The following LRRC37A2 variants were observed in gnomAD, a reference collection of about 807,000 sequenced individuals.
The protein encoded by LRRC37A2 is leucine rich repeat containing 37 member A2.
In LRRC37A2, 9 loss-of-function variants were observed where a neutral mutation model predicts 68.8. That is an observed-to-expected ratio of 0.13 (90% CI 0.08 to 0.23). The LOEUF is 0.23. LRRC37A2 is among the 10% of genes least tolerant of loss of function. The pLI is 1.00. For missense variants in LRRC37A2, 168 were observed against 950.4 expected, an observed-to-expected ratio of 0.18 and a Z score of 10.82; for synonymous variants, 63 against 367.6, an observed-to-expected ratio of 0.17 and a Z score of 9.48.
chr17:46,720,794 C>T, the LRRC37A2 span, among the ~76,000 whole-genome samples: 2 of 152,134 alleles, frequency 1.3e-5, no homozygotes, highest in African/African-American at 2.4e-5. Context: ...TTTCAGCTCC[C>T]AGAAGAACCA....
At chr17:46,932,112 G>A in the LRRC37A2 span, 16 of 1,613,584 alleles carry the variant, frequency 9.9e-6, no homozygotes, top group East Asian at 6.7e-5. Context: ...TGCAGACTGC[G>A]CTCAGAAACT....
chr17:46,691,313 G>A, the LRRC37A2 span, among the ~76,000 whole-genome samples: 1 of 80,722 alleles, frequency 1.2e-5, no homozygotes. Flanking sequence ...ACAAAGATTA[G>A]GCTGGGCATG....
the LRRC37A2 span, chr17:46,938,977 A>C: frequency 4.9e-6 from 7 of 1,418,310 alleles, no homozygotes; most frequent in Non-Finnish European, 6.5e-6. Context: ...GGTGCTTAGG[A>C]AATGAAAGAA....
chr17:46,553,745 G>C, intron 12 of LRRC37A2: 1 of 395,530 alleles, frequency 2.5e-6, no homozygotes, highest in Non-Finnish European at 3.3e-6. Flanking sequence ...GCTTAGCCTG[G>C]CTCCAGTGAA....
At chr17:46,786,161 TC>T in the LRRC37A2 span, among the ~76,000 whole-genome samples, 851 of 144,898 alleles carry the variant, frequency 5.9e-3, 7 homozygotes, top group Middle Eastern at 0.024. Flanking sequence ...CAAATTGTGG[TC>T]CGGGGCATGG....
the LRRC37A2 span, among the ~76,000 whole-genome samples, chr17:46,912,665 C>T: frequency 6.6e-6 from 1 of 152,186 alleles, no homozygotes; most frequent in Non-Finnish European, 1.5e-5. Context: ...CAGCTCATTG[C>T]AGCCTCTGAA....
At chr17:46,800,027 G>A in the LRRC37A2 span, among the ~76,000 whole-genome samples, 1 of 149,764 alleles carries the variant, frequency 6.7e-6, no homozygotes, top group Non-Finnish European at 1.5e-5. Flanking sequence ...TGCTGTCCCA[G>A]AGAGTGGGGA....
At chr17:46,823,121 T>TG in the LRRC37A2 span, among the ~76,000 whole-genome samples, 1 of 131,440 alleles carries the variant, frequency 7.6e-6, no homozygotes, top group Non-Finnish European at 1.6e-5. Flanking sequence ...ATATTATATA[T>TG]TATATATTAT....
At chr17:46,892,092 T>C in the LRRC37A2 span, among the ~76,000 whole-genome samples, 1 of 151,884 alleles carries the variant, frequency 6.6e-6, no homozygotes, top group African/African-American at 2.4e-5. Flanking sequence ...CTAATTTTTG[T>C]ATTTTTAGTA....
chr17:46,918,764 C>T, the LRRC37A2 span, among the ~76,000 whole-genome samples: 2 of 152,194 alleles, frequency 1.3e-5, no homozygotes, highest in Non-Finnish European at 2.9e-5. Context: ...CTTAGACTGA[C>T]TTGGCCACAA....
the LRRC37A2 span, among the ~76,000 whole-genome samples, chr17:47,009,823 T>C: frequency 6.6e-6 from 1 of 152,256 alleles, no homozygotes; most frequent in African/African-American, 2.4e-5. Flanking sequence ...TTCTGCCAGA[T>C]GCTGCCGCGC....
At chr17:46,826,965 T>G in the LRRC37A2 span, among the ~76,000 whole-genome samples, 1 of 152,128 alleles carries the variant, frequency 6.6e-6, no homozygotes, top group African/African-American at 2.4e-5. Context: ...TTAATAGAGA[T>G]AGAATTTCAC....
the LRRC37A2 span, chr17:46,872,408 G>C: frequency 7.3e-7 from 1 of 1,365,654 alleles, no homozygotes; most frequent in Admixed American, 2.8e-5. Flanking sequence ...GGGTCAGCCT[G>C]CTGCCCAGAA....
the LRRC37A2 span, among the ~76,000 whole-genome samples, chr17:46,782,548 G>A: frequency 6.6e-5 from 10 of 152,262 alleles, no homozygotes; most frequent in East Asian, 9.6e-4. Context: ...GGAACCAAGC[G>A]TTGGCTTTGG....
At chr17:46,929,882 A>C in the LRRC37A2 span, 1 of 307,402 alleles carries the variant, frequency 3.3e-6, no homozygotes, top group South Asian at 4.8e-5. Flanking sequence ...AGAGGAATGT[A>C]CTCCATAAAA....
chr17:46,841,117 G>C, the LRRC37A2 span, among the ~76,000 whole-genome samples: 1 of 152,218 alleles, frequency 6.6e-6, no homozygotes, highest in Non-Finnish European at 1.5e-5. Flanking sequence ...GACAGACAAG[G>C]CTCCTTGGAA....
the LRRC37A2 span, among the ~76,000 whole-genome samples, chr17:46,759,356 G>A: frequency 2.6e-5 from 4 of 152,258 alleles, no homozygotes; most frequent in Non-Finnish European, 5.9e-5. Flanking sequence ...AAGGGTGTGT[G>A]CTGGACGGGC....
At chr17:46,820,146 C>G in the LRRC37A2 span, among the ~76,000 whole-genome samples, 23 of 152,236 alleles carry the variant, frequency 1.5e-4, 1 homozygote, top group Admixed American at 1.4e-3. Context: ...CTGAGCCCCC[C>G]GTACCCACAG....
intron 8 of LRRC37A2, among the ~76,000 whole-genome samples, chr17:46,543,898 C>T (rs1251091195): frequency 6.7e-6 from 1 of 148,728 alleles, no homozygotes; most frequent in African/African-American, 2.6e-5. Flanking sequence ...GAGAGGGTTG[C>T]TTGTGCCCAG....
Sources: allele counts gnomAD v4.1 joint callset (sites outside exome capture counted in the v4.1 genomes callset), GRCh38; gene constraint gnomAD v4.1.1; transcripts MANE v1.5; gene names NCBI Gene and HGNC (gene_info 2026-07-23, HGNC 2026-07-21).